The following ATP10B variants were observed in gnomAD, a reference collection of about 807,000 sequenced individuals.
ATP10B encodes ATPase phospholipid transporting 10B (putative).
A neutral mutation model predicts 141.2 loss-of-function variants in ATP10B; 122 were observed. That is an observed-to-expected ratio of 0.86 (90% CI 0.75 to 1.00). The LOEUF (loss-of-function observed/expected upper bound fraction) is 1.00. ATP10B is among the 50% of genes least tolerant of loss of function. The pLI, the probability that ATP10B is intolerant of heterozygous loss-of-function variation, is 0.00. For synonymous variants in ATP10B, 685 were observed against 692.0 expected (o/e 0.99, Z 0.16); for missense variants, 1,876 against 1,825.3 (o/e 1.03, Z -0.51).
At chr5:160,899,358 G>A in the ATP10B span, among the ~76,000 whole-genome samples, 1 of 151,948 alleles carries the variant, frequency 6.6e-6, no homozygotes, top group Non-Finnish European at 1.5e-5. Context: ...GTGGGGAAAG[G>A]AAGAAAAATG....
the ATP10B span, among the ~76,000 whole-genome samples, chr5:160,871,531 C>T: frequency 2.0e-5 from 3 of 152,002 alleles, no homozygotes; most frequent in Non-Finnish European, 2.9e-5. Context: ...TTCCACTTTT[C>T]CCTCCAAGTT....
the ATP10B span, among the ~76,000 whole-genome samples, chr5:160,874,257 AC>A: frequency 1.3e-4 from 8 of 63,430 alleles, no homozygotes; most frequent in Admixed American, 9.8e-4. Context: ...ACTGGGAGGC[AC>A]CCCCCAGGAG....
the ATP10B span, among the ~76,000 whole-genome samples, chr5:160,911,910 C>A: frequency 2.0e-5 from 3 of 152,086 alleles, no homozygotes; most frequent in Admixed American, 6.6e-5. Flanking sequence ...CGGTGTCTGG[C>A]AAATAGTAAG....
chr5:160,911,515 C>A, the ATP10B span, among the ~76,000 whole-genome samples: 2 of 152,164 alleles, frequency 1.3e-5, no homozygotes, highest in African/African-American at 4.8e-5. Context: ...AGACTAGATG[C>A]CTCTCAAGGT....
chr5:160,881,957 C>A, the ATP10B span, among the ~76,000 whole-genome samples: 2 of 151,876 alleles, frequency 1.3e-5, no homozygotes, highest in Non-Finnish European at 2.9e-5. Flanking sequence ...AGTGATCAGG[C>A]CATGAAAATA....
chr5:160,761,372 G>T (rs896952092), intron 2 of ATP10B, among the ~76,000 whole-genome samples: 1 of 152,144 alleles, frequency 6.6e-6, no homozygotes, highest in Non-Finnish European at 1.5e-5. Context: ...CACATCACAG[G>T]ACTCTTTGTA....
At chr5:160,758,497 A>T (rs774644323) in intron 2 of ATP10B, among the ~76,000 whole-genome samples, 1 of 152,196 alleles carries the variant, frequency 6.6e-6, no homozygotes, top group Non-Finnish European at 1.5e-5. Context: ...CCTTTACAGG[A>T]GAAGAGAAGA....
chr5:160,911,882 G>A, the ATP10B span, among the ~76,000 whole-genome samples: 1 of 152,156 alleles, frequency 6.6e-6, no homozygotes, highest in East Asian at 1.9e-4. Context: ...ACATAATGAT[G>A]CACTAGAGAT....
chr5:160,572,449 C>A (rs1754934541), intron 24 of ATP10B, among the ~76,000 whole-genome samples: 1 of 152,120 alleles, frequency 6.6e-6, no homozygotes, highest in Non-Finnish European at 1.5e-5. Flanking sequence ...TAGCTGACTC[C>A]TTTCCCCAAA....
At position 160,620,800 on chromosome 5, in the gene ATP10B, C is replaced by T. The variant is rs1484095183; in HGVS notation, c.1963G>A (p.Val655Met). The change falls in exon 15 of 26, where the codon GTG becomes ATG. Residue 655 changes from valine (V) to methionine (M), a missense_variant. Coordinates refer to ENST00000327245, the MANE Select transcript of ATP10B (RefSeq NM_025153.3). The part of the protein sequence containing the change: ...TDLGESLGAN[V>M]ATTDSDERDD... ...CTCTCATCCGAGTCTGTGGTGGCCA[C>T]GTTGGCCCCTAAGCTCTCCCCGAGG... 24 of 1,614,090 alleles carry T rather than the reference C, an allele frequency of 1.5e-5. No homozygotes were observed. The highest frequency in any genetic ancestry group is 1.7e-5 in the Admixed American group (1 of 60,008).
chr5:160,918,871 A>G, the ATP10B span, among the ~76,000 whole-genome samples: 1 of 152,170 alleles, frequency 6.6e-6, no homozygotes, highest in Non-Finnish European at 1.5e-5. Context: ...GAGGTAGAAA[A>G]TGACCTAGTA....
intron 2 of ATP10B, among the ~76,000 whole-genome samples, chr5:160,784,394 C>T (rs1339697905): frequency 6.6e-6 from 1 of 152,126 alleles, no homozygotes; most frequent in African/African-American, 2.4e-5. Context: ...TAATTTTTAG[C>T]TTTTCTTTTC....
At chr5:160,801,716 C>A (rs1290149681) in intron 1 of ATP10B, among the ~76,000 whole-genome samples, 3 of 152,182 alleles carry the variant, frequency 2.0e-5, no homozygotes, top group Non-Finnish European at 4.4e-5. Context: ...AGAGCTCAAC[C>A]ACTCACCTGG....
In ATP10B at chr5:160,602,617, C is replaced by T. The variant is rs756591900; in HGVS notation, c.3323G>A (p.Arg1108His). 2.5e-5 allele frequency: 41 copies of T among 1,613,834 alleles called. No individual in the cohort carries two copies. The highest frequency in any genetic ancestry group is 1.6e-4 in the East Asian group (7 of 44,864). ...LLVHGHWCYS[R>H]LARMVVYYLY... Reference sequence around the variant, plus strand: ...GTAGTACACCACCATCCTGGCCAGGCGCGAGTAACACCAGTGGCCATGCAC... The same window carrying T: ...GTAGTACACCACCATCCTGGCCAGGTGCGAGTAACACCAGTGGCCATGCAC... Residue 1108 changes from arginine (R) to histidine (H), a missense_variant, in exon 21 of 26, where the codon CGC (arginine) becomes CAC (histidine). Coordinates refer to ENST00000327245, the MANE Select transcript of ATP10B (RefSeq NM_025153.3).
chr5:160,571,561 A>G (rs1161331642), intron 24 of ATP10B, among the ~76,000 whole-genome samples: 2 of 152,060 alleles, frequency 1.3e-5, no homozygotes, highest in African/African-American at 4.8e-5. Context: ...TCACTCATGG[A>G]CTCATTCTTT....
At chr5:160,888,004 A>G in the ATP10B span, among the ~76,000 whole-genome samples, 2 of 152,244 alleles carry the variant, frequency 1.3e-5, no homozygotes, top group Admixed American at 1.3e-4. Flanking sequence ...CAACACGTGC[A>G]ACATGGTAAT....
chr5:160,820,400 C>G (rs1022272117), intron 1 of ATP10B, among the ~76,000 whole-genome samples: 2 of 151,376 alleles, frequency 1.3e-5, no homozygotes, highest in Non-Finnish European at 3.0e-5. Flanking sequence ...GCAAAGTTAC[C>G]CAGAAAAAAA....
At chr5:160,616,642 C>G (rs1054316106) in intron 16 of ATP10B, among the ~76,000 whole-genome samples, 1 of 152,174 alleles carries the variant, frequency 6.6e-6, no homozygotes, top group African/African-American at 2.4e-5. Context: ...CCATTTTAGA[C>G]CCTCCTGTTG....
At chr5:160,734,250 G>A (rs1766955329) in intron 2 of ATP10B, among the ~76,000 whole-genome samples, 1 of 151,998 alleles carries the variant, frequency 6.6e-6, no homozygotes, top group Non-Finnish European at 1.5e-5. Context: ...TATAGCAGAA[G>A]TGACACCAGA....
Sources: allele counts gnomAD v4.1 joint callset (sites outside exome capture counted in the v4.1 genomes callset), GRCh38; gene constraint gnomAD v4.1.1; transcripts MANE v1.5; gene names NCBI Gene and HGNC (gene_info 2026-07-23, HGNC 2026-07-21).